The following TRIO variants were observed in gnomAD, a reference collection of about 807,000 sequenced individuals.
TRIO encodes the protein triple functional domain protein.
A neutral mutation model predicts 351.9 loss-of-function variants in TRIO; 58 were observed. The observed-to-expected ratio is 0.16, with a 90% CI of 0.13 to 0.21. The LOEUF is 0.21. Ranked by LOEUF, TRIO falls within the 10% of genes least tolerant of loss-of-function variation. TRIO has a pLI of 1.00. For synonymous variants in TRIO, 1,758 were observed against 1,595.7 expected (o/e 1.10, Z -2.42); for missense variants, 3,201 against 4,027.8 (o/e 0.79, Z 5.56).
At chr5:14,405,113 A>T (rs1421407932) in intron 31 of TRIO, among the ~76,000 whole-genome samples, 1 of 151,856 alleles carries the variant, frequency 6.6e-6, no homozygotes, top group African/African-American at 2.4e-5. Context: ...AGTCTGGATC[A>T]AGTGATGTCG....
chr5:14,454,848 G>A (rs559158125), intron 34 of TRIO, among the ~76,000 whole-genome samples: 11 of 152,312 alleles, frequency 7.2e-5, no homozygotes, highest in South Asian at 4.1e-4. Flanking sequence ...TGGTGTGTCC[G>A]GAGGTTGTTC....
intron 1 of TRIO, among the ~76,000 whole-genome samples, chr5:14,267,267 C>G (rs1285225285): frequency 1.3e-5 from 2 of 152,040 alleles, no homozygotes; most frequent in Non-Finnish European, 2.9e-5. Context: ...CATTGACAAA[C>G]CCCCCTGGTG....
chr5:14,230,233 T>C (rs1315354900), intron 1 of TRIO, among the ~76,000 whole-genome samples: 2 of 152,168 alleles, frequency 1.3e-5, no homozygotes, highest in South Asian at 2.1e-4. Context: ...CTGAAAAATA[T>C]TGTGTATAAA....
intron 40 of TRIO, among the ~76,000 whole-genome samples, chr5:14,475,177 G>C (rs1030854412): frequency 6.6e-6 from 1 of 152,158 alleles, no homozygotes; most frequent in East Asian, 1.9e-4. Context: ...TTAATCATCT[G>C]AGGATTGCTT....
chr5:14,481,771 C>CTTTT (rs34046917), intron 45 of TRIO, 153 bp downstream of exon 45: 37 of 189,254 alleles, frequency 2.0e-4, no homozygotes, highest in East Asian at 4.1e-4. Flanking sequence ...ATTTTATTTC[C>CTTTT]TTTTTTTTTT....
rs985688156 is a variant in TRIO at position 14,309,978 on chromosome 5, C to T, written c.1500+5386C>T. Among the ~76,000 whole-genome samples the T allele has an allele frequency of 5.3e-5, 8 of 152,116 alleles. No homozygotes were observed. In the East Asian group the frequency reaches 7.7e-4, roughly 15 times the overall value. ...CTTTCCCAGCATTTTTCTTCCAAGA[C>T]GCAAGCACCTGCTCTGCTGTGCTTT... On this transcript the variant is annotated intron_variant, in intron 8 of 56. Transcript: ENST00000344204.
chr5:14,248,534 C>T (rs753906845), intron 1 of TRIO, among the ~76,000 whole-genome samples: 17 of 152,210 alleles, frequency 1.1e-4, no homozygotes, highest in Admixed American at 1.3e-4. Context: ...CACCTGCTGC[C>T]GTAGGTGAGG....
chr5:14,401,504 TAC>T lies in TRIO; in HGVS notation c.4716+442_4716+443del, dbSNP rs1561444746. Among the ~76,000 whole-genome samples the T allele has an allele frequency of 5.3e-5, 8 of 152,308 alleles. No individual in the cohort carries two copies. In the South Asian group the frequency reaches 1.7e-3, roughly 32 times the overall value. On this transcript the variant is annotated intron_variant, in intron 31 of 56. Coordinates refer to ENST00000344204, the MANE Select transcript of TRIO (RefSeq NM_007118.4). ...CGAGGCCAACCGTACCCACAGTCCT[TAC>T]AGAGTCCTCAGCTCTGTGGCTTAAT...
At chr5:14,499,673 G>T (rs1200794613) in intron 53 of TRIO, among the ~76,000 whole-genome samples, 1 of 151,512 alleles carries the variant, frequency 6.6e-6, no homozygotes, top group Non-Finnish European at 1.5e-5. Context: ...AAAAGGTAAA[G>T]ATTTTCTAAT....
chr5:14,405,073 C>T (rs1271149322), intron 31 of TRIO, among the ~76,000 whole-genome samples: 2 of 151,670 alleles, frequency 1.3e-5, no homozygotes, highest in Non-Finnish European at 2.9e-5. Flanking sequence ...AAAAAAACCT[C>T]CTTTGAGGCA....
At chr5:14,319,407 T>C (rs1739668703) in intron 9 of TRIO, among the ~76,000 whole-genome samples, 2 of 152,176 alleles carry the variant, frequency 1.3e-5, no homozygotes, top group South Asian at 4.1e-4. Flanking sequence ...CAAAAACGTG[T>C]TTCTGAAACT....
At chr5:14,507,316 C>T (rs555949417) in intron 56 of TRIO, 56 bp downstream of exon 56, 415 of 1,594,922 alleles carry the variant, frequency 2.6e-4, no homozygotes, top group Admixed American at 9.9e-4. Context: ...CTTGGCCATG[C>T]GGGACACAGA....
chr5:14,460,511 G>A (rs964871441), intron 34 of TRIO, among the ~76,000 whole-genome samples: 1 of 152,186 alleles, frequency 6.6e-6, no homozygotes, highest in Non-Finnish European at 1.5e-5. Flanking sequence ...TTCTGCTTTT[G>A]TTCACTGGTA....
At chr5:14,454,702 T>C (rs532007370) in intron 34 of TRIO, among the ~76,000 whole-genome samples, 1 of 152,098 alleles carries the variant, frequency 6.6e-6, no homozygotes, top group Non-Finnish European at 1.5e-5. Context: ...TGCCCTGGAG[T>C]CTAAGGTCAT....
intron 1 of TRIO, among the ~76,000 whole-genome samples, chr5:14,236,808 A>G (rs1793793862): frequency 1.3e-5 from 2 of 152,158 alleles, no homozygotes; most frequent in South Asian, 4.1e-4. Flanking sequence ...TCATCGCCAG[A>G]AAGAAACCCC....
chr5:14,161,560 C>A (rs762055176), intron 1 of TRIO, among the ~76,000 whole-genome samples: 1 of 152,134 alleles, frequency 6.6e-6, no homozygotes, highest in Non-Finnish European at 1.5e-5. Flanking sequence ...CCAGAGCAGT[C>A]CCCAGGTAGA....
intron 1 of TRIO, among the ~76,000 whole-genome samples, chr5:14,222,332 G>A (rs1269979276): frequency 2.6e-5 from 4 of 152,032 alleles, no homozygotes; most frequent in Non-Finnish European, 5.9e-5. Context: ...CAGTTGTCTG[G>A]AACCAAACCC....
intron 31 of TRIO, among the ~76,000 whole-genome samples, chr5:14,405,537 T>C (rs1748629927): frequency 6.6e-6 from 1 of 152,134 alleles, no homozygotes; most frequent in Admixed American, 6.6e-5. Flanking sequence ...TTGGTGGCAG[T>C]GAGGGTGGCT....
At chr5:14,472,147 T>A (rs1385400707) in intron 38 of TRIO, among the ~76,000 whole-genome samples, 1 of 152,240 alleles carries the variant, frequency 6.6e-6, no homozygotes, top group Non-Finnish European at 1.5e-5. Flanking sequence ...GGTTACTGAA[T>A]GTAACAAACA....
Sources: allele counts gnomAD v4.1 joint callset (sites outside exome capture counted in the v4.1 genomes callset), GRCh38; gene constraint gnomAD v4.1.1; transcripts MANE v1.5; gene names NCBI Gene and HGNC (gene_info 2026-07-23, HGNC 2026-07-21).